The following LGR6 variants were observed in gnomAD, a reference collection of about 807,000 sequenced individuals.
LGR6 encodes leucine-rich repeat-containing G protein-coupled receptor 6.
In LGR6, 45 loss-of-function variants were observed where a neutral mutation model predicts 69.4. The ratio of observed to expected loss-of-function variants is 0.65; its 90% CI spans 0.51 to 0.83. The LOEUF is 0.83. LGR6 is among the 40% of genes least tolerant of loss of function. LGR6 has a pLI of 0.00. For missense variants in LGR6, 1,108 were observed against 1,246.7 expected, an observed-to-expected ratio of 0.89 and a Z score of 1.68; for synonymous variants, 538 against 555.0, an observed-to-expected ratio of 0.97 and a Z score of 0.43.
chr1:202,198,368 A>G (rs951045840), intron 1 of LGR6, among the ~76,000 whole-genome samples: 1 of 152,182 alleles, frequency 6.6e-6, no homozygotes, highest in African/African-American at 2.4e-5. Context: ...TCTACCTCAT[A>G]GGGTTGTTGT....
chr1:202,317,557 G>A (rs1394030311), intron 17 of LGR6, among the ~76,000 whole-genome samples: 1 of 152,106 alleles, frequency 6.6e-6, no homozygotes, highest in Admixed American at 6.5e-5. Context: ...TGTTGGCCAG[G>A]CTGGTCTCAA....
At chr1:202,197,250 A>T (rs1658674821) in intron 1 of LGR6, 1 of 426,770 alleles carries the variant, frequency 2.3e-6, no homozygotes, top group Non-Finnish European at 4.8e-6. Context: ...CCACCTCTCC[A>T]TCTTGGTTCT....
At chr1:202,311,158 G>T (rs751794925) in intron 16 of LGR6, among the ~76,000 whole-genome samples, 35 of 152,000 alleles carry the variant, frequency 2.3e-4, no homozygotes, top group Non-Finnish European at 4.3e-4. Flanking sequence ...CCTCTGCTTT[G>T]GGGTATTCTT....
chr1:202,264,812 A>G (rs1664513487), intron 4 of LGR6, among the ~76,000 whole-genome samples: 1 of 152,140 alleles, frequency 6.6e-6, no homozygotes, highest in Non-Finnish European at 1.5e-5. Flanking sequence ...CTCAGGTATC[A>G]TCCTTTGATG....
rs1653318277 is a variant in LGR6, at chr1:202,307,324, C to T, written c.1209-6C>T. 6.2e-7 allele frequency: 1 copy of T among 1,613,858 alleles called. No homozygotes were observed. The highest frequency in any genetic ancestry group is 1.1e-5 in the South Asian group (1 of 91,084). ...TCCCCTCCTGTCACACCCTCTCTGC[C>T]TGCAGGGATCTTAGCTGGAACGCCA... On this transcript the variant is annotated splice_region_variant and splice_polypyrimidine_tract_variant and intron_variant, in intron 13 of 17. Coordinates refer to ENST00000367278, the MANE Select transcript of LGR6 (RefSeq NM_001017403.2).
At chr1:202,240,099 G>T (rs536960501) in intron 4 of LGR6, among the ~76,000 whole-genome samples, 2 of 152,070 alleles carry the variant, frequency 1.3e-5, no homozygotes, top group African/African-American at 4.8e-5. Flanking sequence ...CAGGCTGGGC[G>T]CAGTGGCTCA....
chr1:202,312,310 T>A (rs1228207007), intron 16 of LGR6, among the ~76,000 whole-genome samples: 1 of 152,224 alleles, frequency 6.6e-6, no homozygotes, highest in Non-Finnish European at 1.5e-5. Flanking sequence ...GTTTCACCCC[T>A]TGTGTTTCAT....
intron 1 of LGR6, among the ~76,000 whole-genome samples, chr1:202,201,457 G>A (rs1350830893): frequency 6.6e-6 from 1 of 152,232 alleles, no homozygotes; most frequent in Non-Finnish European, 1.5e-5. Flanking sequence ...CCATGAGAGA[G>A]GTGCTAGTGT....
chr1:202,296,907 G>C (rs1228857721), intron 6 of LGR6, among the ~76,000 whole-genome samples: 1 of 152,008 alleles, frequency 6.6e-6, no homozygotes, highest in Admixed American at 6.6e-5. Flanking sequence ...TTGCCAACTT[G>C]GGTTGCTACC....
Position 202,318,111 on chromosome 1 carries a change from C to T in LGR6, c.1808C>T (p.Ala603Val), listed in dbSNP as rs758614173. 9 of 1,614,152 alleles carry T rather than the reference C, an allele frequency of 5.6e-6. No homozygotes were observed. The highest frequency in any genetic ancestry group is 1.7e-4 in the Middle Eastern group (1 of 6,060). The change falls in exon 18 of 18, where the codon GCG (alanine) becomes GTG (valine). Residue 603 changes from alanine to valine, a missense_variant. Transcript: ENST00000367278. ...PLPPVKFVVG[A>V]IAGANTLTGI... ...CCCCCGGTCAAGTTTGTGGTAGGTG[C>T]GATTGCAGGCGCCAACACCTTGACT...
intron 6 of LGR6, among the ~76,000 whole-genome samples, chr1:202,291,837 C>A (rs180784681): frequency 6.6e-6 from 1 of 152,206 alleles, no homozygotes; most frequent in Non-Finnish European, 1.5e-5. Flanking sequence ...AGAACCATGA[C>A]TATTACATAG....
chr1:202,198,122 T>C (rs899907595), intron 1 of LGR6, among the ~76,000 whole-genome samples: 2 of 152,138 alleles, frequency 1.3e-5, no homozygotes, highest in African/African-American at 4.8e-5. Context: ...ACAGGTTAGA[T>C]GGTGTGTGCA....
chr1:202,218,922 T>C (rs1406294692), intron 1 of LGR6, among the ~76,000 whole-genome samples: 2 of 152,138 alleles, frequency 1.3e-5, no homozygotes, highest in Non-Finnish European at 2.9e-5. Context: ...CCCAGCAACA[T>C]TGTCAACTCC....
At chr1:202,269,693 T>C (rs1216670589) in intron 4 of LGR6, among the ~76,000 whole-genome samples, 2 of 152,194 alleles carry the variant, frequency 1.3e-5, no homozygotes, top group East Asian at 3.9e-4. Context: ...AAGCCCTCTG[T>C]CCTACCATTG....
At chr1:202,307,255 G>C (rs1023147617) in intron 13 of LGR6, 75 bp from the exon 14 acceptor site, 1 of 1,426,224 alleles carries the variant, frequency 7.0e-7, no homozygotes. Flanking sequence ...GGGTATGTGA[G>C]GGGGAGCCCA....
chr1:202,317,555 A>C (rs1335985529), intron 17 of LGR6, among the ~76,000 whole-genome samples: 1 of 152,168 alleles, frequency 6.6e-6, no homozygotes, highest in African/African-American at 2.4e-5. Flanking sequence ...TTTGTTGGCC[A>C]GGCTGGTCTC....
chr1:202,199,998 C>T (rs1021252030), intron 1 of LGR6, among the ~76,000 whole-genome samples: 65 of 152,314 alleles, frequency 4.3e-4, no homozygotes, highest in Admixed American at 3.5e-3. Flanking sequence ...GGTGACAGGA[C>T]GGGGAGTTAG....
At chr1:202,205,935 C>CAT (rs1227017820) in intron 1 of LGR6, among the ~76,000 whole-genome samples, 1 of 150,612 alleles carries the variant, frequency 6.6e-6, no homozygotes, top group Non-Finnish European at 1.5e-5. Flanking sequence ...CATACACACA[C>CAT]ATCCTTCAAG....
rs764328047 is a variant in LGR6 at position 202,318,196 on chromosome 1, G to A, written c.1893G>A (p.Glu631=). 3.1e-6 allele frequency: 5 copies of A among 1,613,142 alleles called. No homozygotes were observed. The highest frequency in any genetic ancestry group is 1.3e-5 in the African/African-American group (1 of 74,950). ...VDALTFGQFS[E]YGARWETGLG... Reference sequence around the variant, plus strand: ...CCCTGACCTTTGGTCAGTTCTCTGAGTACGGAGCCCGCTGGGAGACGGGGC... The same window carrying A: ...CCCTGACCTTTGGTCAGTTCTCTGAATACGGAGCCCGCTGGGAGACGGGGC... The change falls in exon 18 of 18, where the codon GAG becomes GAA. Residue 631 remains glutamate (E), a synonymous_variant. Coordinates refer to ENST00000367278, the MANE Select transcript of LGR6 (RefSeq NM_001017403.2).
Sources: allele counts gnomAD v4.1 joint callset (sites outside exome capture counted in the v4.1 genomes callset), GRCh38; gene constraint gnomAD v4.1.1; transcripts MANE v1.5; gene names NCBI Gene and HGNC (gene_info 2026-07-23, HGNC 2026-07-21).